CUX1: variants seen among roughly 807,000 people sequenced by gnomAD.
The protein encoded by CUX1 is cut like homeobox 1.
CUX1 carries 31 observed loss-of-function variants against 158.8 expected under a neutral mutation model. That is an observed-to-expected ratio of 0.20 (90% CI 0.15 to 0.26). The LOEUF is 0.26. Among genes scored for constraint, CUX1 ranks in the 10% least tolerant of loss-of-function variants. The pLI is 1.00. For missense variants in CUX1, 1,589 were observed against 2,014.6 expected (o/e 0.79, Z 4.04); for synonymous variants, 879 against 862.1 (o/e 1.02, Z -0.34).
At position 101,956,776 on chromosome 7, in the gene CUX1, T is replaced by C. The variant is rs530481691; in HGVS notation, c.141+40551T>C. Among the ~76,000 whole-genome samples the C allele has an allele frequency of 2.0e-4, 31 of 152,286 alleles. No homozygotes were observed. In the South Asian group the frequency reaches 4.8e-3, roughly 23 times the overall value. ...CAGCCAGAGCAACATAGCGAGACCC[T>C]GTCTCTACACAAAATACAAATTGTT... On this transcript the variant is annotated intron_variant, in intron 2 of 23. Transcript: ENST00000292535.
At chr7:101,875,337 G>T (rs1385238871) in intron 1 of CUX1, among the ~76,000 whole-genome samples, 1 of 152,144 alleles carries the variant, frequency 6.6e-6, no homozygotes, top group Admixed American at 6.5e-5. Context: ...GGGAAATAGG[G>T]ACGAGGGCTT....
chr7:102,166,801 C>T (rs1369741874), intron 9 of CUX1, among the ~76,000 whole-genome samples: 4 of 151,972 alleles, frequency 2.6e-5, no homozygotes, highest in African/African-American at 4.8e-5. Context: ...TATTTTTTTT[C>T]GACGCCCTCA....
intron 14 of CUX1, among the ~76,000 whole-genome samples, chr7:102,266,426 G>A (rs1016334736): frequency 4.9e-4 from 74 of 151,964 alleles, no homozygotes; most frequent in African/African-American, 1.7e-3. Flanking sequence ...ACAGACTTGG[G>A]GAGGAAGGGA....
At chr7:101,950,166 C>T (rs929993411) in intron 2 of CUX1, among the ~76,000 whole-genome samples, 2 of 152,152 alleles carry the variant, frequency 1.3e-5, no homozygotes, top group African/African-American at 2.4e-5. Flanking sequence ...CCCGCCACCA[C>T]ACCCGGCTAA....
In CUX1 at chr7:102,202,135, C is replaced by T. The variant is rs782635245; in HGVS notation, c.2838C>T (p.Ile946=). 1.8e-5 allele frequency: 29 copies of T among 1,613,818 alleles called. No homozygotes were observed. Among genetic ancestry groups the T allele is most frequent in the Non-Finnish European group, 2.2e-5 (26 of 1,179,892 alleles). Residue 946 remains isoleucine (I), a synonymous_variant, in exon 18 of 24, where the codon ATC becomes ATT. Transcript: ENST00000292535. ...EVYMYQEVDT[I]ELTRQVKEKL... is the part of the protein sequence containing the mutation. The stretch of plus-strand genomic sequence containing the variant: ...ACATGTACCAGGAGGTGGACACCAT[C>T]GAGCTCACCCGGCAGGTTAAGGAAA...
intron 10 of CUX1, among the ~76,000 whole-genome samples, chr7:102,177,277 G>T (rs1334414917): frequency 8.6e-5 from 13 of 151,866 alleles, no homozygotes; most frequent in African/African-American, 2.7e-4. Context: ...AGCCAAGTGT[G>T]GTGGTGCCCA....
chr7:102,196,559 T>A, intron 14 of CUX1, 75 bp from the exon 15 acceptor site: 1 of 1,371,798 alleles, frequency 7.3e-7, no homozygotes. Context: ...GGGGCAAACT[T>A]TTGCATTTTG....
In CUX1 at chr7:102,196,895, A is replaced by G. The variant is rs907675782; in HGVS notation, c.1484A>G (p.Lys495Arg). 3.1e-6 allele frequency: 5 copies of G among 1,614,044 alleles called. No individual in the cohort carries two copies. The highest frequency in any genetic ancestry group is 3.3e-5 in the Admixed American group (2 of 60,006). The change falls in exon 15 of 24, where the codon AAG becomes AGG. Residue 495 changes from lysine to arginine, a missense_variant. By Grantham distance (26) the Lys-to-Arg change is conservative. Coordinates refer to ENST00000292535, the MANE Select transcript of CUX1 (RefSeq NM_181552.4). Reference protein sequence around the residue: ...QRQLMQSFYSKAMQEAGSTSM... With the variant: ...QRQLMQSFYSRAMQEAGSTSM... Reference sequence around the variant, plus strand: ...CAGCTAATGCAGTCCTTCTACTCCAAGGCTATGCAGGAAGCCGGAAGCACA... The same window carrying G: ...CAGCTAATGCAGTCCTTCTACTCCAGGGCTATGCAGGAAGCCGGAAGCACA...
intron 2 of CUX1, among the ~76,000 whole-genome samples, chr7:101,949,004 G>A (rs534884088): frequency 2.6e-5 from 4 of 152,332 alleles, no homozygotes; most frequent in East Asian, 1.9e-4. Context: ...GCAATTTAAC[G>A]TGACGGTGAC....
intron 2 of CUX1, among the ~76,000 whole-genome samples, chr7:101,978,243 C>T (rs1585154236): frequency 2.6e-5 from 4 of 152,180 alleles, no homozygotes; most frequent in Admixed American, 2.6e-4. Context: ...AAGACATCTC[C>T]GGCTTCACAT....
At chr7:102,274,463 G>A (rs1427175955) in intron 16 of CUX1, among the ~76,000 whole-genome samples, 1 of 152,208 alleles carries the variant, frequency 6.6e-6, no homozygotes, top group South Asian at 2.1e-4. Flanking sequence ...TCAAAGGGTC[G>A]GGTAAGGCTA....
chr7:102,190,570 G>A (rs964570075), intron 12 of CUX1, among the ~76,000 whole-genome samples: 5 of 152,254 alleles, frequency 3.3e-5, no homozygotes, highest in South Asian at 2.1e-4. Context: ...CCCCTGGATC[G>A]TCAGCCATTC....
intron 2 of CUX1, among the ~76,000 whole-genome samples, chr7:101,952,686 G>A (rs931869614): frequency 1.2e-4 from 18 of 152,284 alleles, no homozygotes; most frequent in Non-Finnish European, 1.6e-4. Context: ...TTGCACAAAT[G>A]TGGTCCTGTG....
chr7:102,254,685 T>C lies in CUX1; in HGVS notation c.*5643T>C. On this transcript the variant is annotated 3_prime_UTR_variant, in exon 24 of 24. Coordinates refer to ENST00000292535, the MANE Select transcript of CUX1 (RefSeq NM_181552.4). ...AGAAAGCCCTCAGTGCTTCTGTGGT[T>C]TCACCTGGGCATCGACGACATTAGG... 1.0e-6 allele frequency: 1 copy of C among 985,432 alleles called. No homozygotes were observed. The highest frequency in any genetic ancestry group is 1.2e-6 in the Non-Finnish European group (1 of 829,940). The allele number at this position is 985,432 out of a possible 1,614,324, so 61.0% of individuals were successfully genotyped here. A position where few individuals can be genotyped will look rare whatever the true frequency, so the allele number is the denominator to read the frequency against.
intron 10 of CUX1, among the ~76,000 whole-genome samples, chr7:102,175,900 A>G (rs189243235): frequency 2.0e-5 from 3 of 152,360 alleles, no homozygotes; most frequent in Admixed American, 2.0e-4. Flanking sequence ...AATCGCTATA[A>G]AAGTTTCTAA....
intron 9 of CUX1, among the ~76,000 whole-genome samples, chr7:102,159,439 T>C (rs1790166381): frequency 6.6e-6 from 1 of 152,170 alleles, no homozygotes; most frequent in Admixed American, 6.5e-5. Context: ...TTAGCGTACT[T>C]TTGGGTGATT....
chr7:102,204,771 T>C (rs955192114), intron 19 of CUX1, among the ~76,000 whole-genome samples: 1 of 152,226 alleles, frequency 6.6e-6, no homozygotes, highest in Non-Finnish European at 1.5e-5. Context: ...TTAGGAGAGA[T>C]CATGCCTGTC....
At chr7:102,190,221 A>G (rs868937510) in intron 12 of CUX1, among the ~76,000 whole-genome samples, 2 of 152,184 alleles carry the variant, frequency 1.3e-5, no homozygotes, top group Non-Finnish European at 2.9e-5. Context: ...CAGGAGGGAA[A>G]TGTTTTCGGG....
chr7:101,903,680 C>T (rs1002355442), intron 1 of CUX1, among the ~76,000 whole-genome samples: 2 of 152,188 alleles, frequency 1.3e-5, no homozygotes, highest in South Asian at 2.1e-4. Flanking sequence ...GCACCTGCTC[C>T]GCCTTACATG....
Sources: allele counts gnomAD v4.1 joint callset (sites outside exome capture counted in the v4.1 genomes callset), GRCh38; gene constraint gnomAD v4.1.1; transcripts MANE v1.5; gene names NCBI Gene and HGNC (gene_info 2026-07-23, HGNC 2026-07-21).